The following INPP4B variants were observed in gnomAD, a reference collection of about 807,000 sequenced individuals.
INPP4B encodes the protein inositol polyphosphate-4-phosphatase type II B, also known as inositol polyphosphate 4-phosphatase type II.
INPP4B carries 55 observed loss-of-function variants against 122.5 expected under a neutral mutation model. That is an observed-to-expected ratio of 0.45 (90% CI 0.36 to 0.56). The LOEUF (loss-of-function observed/expected upper bound fraction) is 0.56, where lower values mean the gene tolerates loss of function less well. Among genes scored for constraint, INPP4B ranks in the 20% least tolerant of loss-of-function variants. The probability of loss-of-function intolerance (pLI) is 0.00; values close to 1 mark genes in which losing one functional copy is unlikely to be tolerated. For synonymous variants in INPP4B, 403 were observed against 388.7 expected (o/e 1.04, Z -0.43); for missense variants, 1,000 against 1,097.7 (o/e 0.91, Z 1.26).
chr4:142,383,275 C>T (rs560905712), intron 7 of INPP4B, among the ~76,000 whole-genome samples: 4 of 152,196 alleles, frequency 2.6e-5, no homozygotes, highest in African/African-American at 9.6e-5. Flanking sequence ...TAGTATTAAA[C>T]CTACCTAGTC....
chr4:142,769,345 G>C (rs192546007), intron 1 of INPP4B, among the ~76,000 whole-genome samples: 75 of 152,232 alleles, frequency 4.9e-4, no homozygotes, highest in African/African-American at 1.8e-3. Flanking sequence ...AGGTCCCCAC[G>C]ATGCTCTGCA....
chr4:142,147,118 C>T (rs1477858626), intron 17 of INPP4B, among the ~76,000 whole-genome samples: 1 of 152,140 alleles, frequency 6.6e-6, no homozygotes, highest in Non-Finnish European at 1.5e-5. Flanking sequence ...GTTTTCCCTG[C>T]ATCACACCAC....
chr4:142,287,209 T>C (rs1754148058), intron 9 of INPP4B: 1 of 152,376 alleles, frequency 6.6e-6, no homozygotes, highest in Admixed American at 6.5e-5. Context: ...CTGAAGTTTC[T>C]GGCATTGAGT....
At chr4:142,161,746 GT>G in intron 16 of INPP4B, among the ~76,000 whole-genome samples, 1 of 151,834 alleles carries the variant, frequency 6.6e-6, no homozygotes, top group Admixed American at 6.6e-5. Flanking sequence ...GTAAGATTTT[GT>G]TATATATGCA....
At chr4:142,289,412 G>A (rs1455630590) in intron 9 of INPP4B, among the ~76,000 whole-genome samples, 1 of 152,106 alleles carries the variant, frequency 6.6e-6, no homozygotes, top group African/African-American at 2.4e-5. Flanking sequence ...TACGTGTGCA[G>A]GACGTGAAGG....
chr4:142,201,144 G>C (rs1259382569), intron 14 of INPP4B, among the ~76,000 whole-genome samples: 1 of 151,994 alleles, frequency 6.6e-6, no homozygotes, highest in Non-Finnish European at 1.5e-5. Flanking sequence ...AACTTTGATA[G>C]CCAAAGAGTG....
intron 23 of INPP4B, among the ~76,000 whole-genome samples, chr4:142,100,656 G>A (rs1784086901): frequency 1.3e-5 from 2 of 152,020 alleles, no homozygotes; most frequent in South Asian, 2.1e-4. Context: ...TTCTCTTCCT[G>A]ATCTTGTTTG....
chr4:142,367,159 TATAA>T (rs1787807146), intron 7 of INPP4B, among the ~76,000 whole-genome samples: 2 of 149,416 alleles, frequency 1.3e-5, no homozygotes, highest in South Asian at 4.3e-4. Context: ...GGGTGGGGGC[TATAA>T]ATAGTGTGTA....
At chr4:142,260,037 T>C (rs1202176618) in intron 11 of INPP4B, among the ~76,000 whole-genome samples, 1 of 152,188 alleles carries the variant, frequency 6.6e-6, no homozygotes, top group Non-Finnish European at 1.5e-5. Context: ...CAAGCTGGAG[T>C]GCAGTGGCGC....
chr4:142,106,966 CT>C (rs200755604), intron 23 of INPP4B, among the ~76,000 whole-genome samples: 3 of 151,746 alleles, frequency 2.0e-5, no homozygotes, highest in African/African-American at 4.8e-5. Flanking sequence ...ATAATAAACT[CT>C]TTTTTTTCAT....
At chr4:142,532,848 T>A (rs1827780742) in intron 2 of INPP4B, among the ~76,000 whole-genome samples, 1 of 152,212 alleles carries the variant, frequency 6.6e-6, no homozygotes. Flanking sequence ...TCAGATTTTT[T>A]AAATCTTATT....
chr4:142,169,981 A>G (rs767951630), intron 16 of INPP4B, among the ~76,000 whole-genome samples: 1 of 151,704 alleles, frequency 6.6e-6, no homozygotes, highest in African/African-American at 2.4e-5. Context: ...ATACGTGAAC[A>G]CTGTCCACAT....
chr4:142,306,467 G>T (rs1479285656), intron 8 of INPP4B, among the ~76,000 whole-genome samples: 1 of 152,118 alleles, frequency 6.6e-6, no homozygotes, highest in East Asian at 1.9e-4. Flanking sequence ...ACTTCTTCCA[G>T]AACAGTCTCT....
At chr4:142,720,762 T>TCC in intron 2 of INPP4B, among the ~76,000 whole-genome samples, 1 of 27,156 alleles carries the variant, frequency 3.7e-5, no homozygotes, top group South Asian at 1.6e-3. Flanking sequence ...ATATATATAA[T>TCC]CTCTCTCTCT....
intron 1 of INPP4B, among the ~76,000 whole-genome samples, chr4:142,842,444 T>C (rs190929759): frequency 2.9e-3 from 429 of 149,400 alleles, no homozygotes; most frequent in African/African-American, 6.6e-3. Context: ...TGGTATACCA[T>C]TGATAGCAAG....
intron 11 of INPP4B, among the ~76,000 whole-genome samples, chr4:142,253,494 C>T (rs770636176): frequency 1.2e-4 from 19 of 152,086 alleles, no homozygotes; most frequent in South Asian, 4.1e-4. Context: ...TCAGTGGGTG[C>T]GCGCACCATG....
chr4:142,220,472 T>G (rs552478544), intron 12 of INPP4B, among the ~76,000 whole-genome samples: 92 of 152,354 alleles, frequency 6.0e-4, no homozygotes, highest in Non-Finnish European at 1.0e-3. Flanking sequence ...TTCTGAACAC[T>G]TCACAAATAT....
At chr4:142,708,795 A>G (rs548259694) in intron 2 of INPP4B, among the ~76,000 whole-genome samples, 1 of 152,180 alleles carries the variant, frequency 6.6e-6, no homozygotes, top group Non-Finnish European at 1.5e-5. Flanking sequence ...GAGGCCCCAC[A>G]CAGAGTCTCC....
chr4:142,762,554 C>A (rs904261483), intron 1 of INPP4B, among the ~76,000 whole-genome samples: 8 of 152,146 alleles, frequency 5.3e-5, no homozygotes, highest in Non-Finnish European at 1.0e-4. Flanking sequence ...AAGCATTTTT[C>A]AGCAAGCCAG....
Sources: gnomAD v4.1 joint callset for allele counts (sites outside exome capture counted in the v4.1 genomes callset) on GRCh38, gnomAD v4.1.1 for gene constraint, MANE v1.5 for transcripts, NCBI Gene and HGNC (gene_info 2026-07-23, HGNC 2026-07-21) for gene names.